LMF1: variants seen among roughly 807,000 people sequenced by gnomAD.
LMF1 encodes transmembrane protein 112.
A neutral mutation model predicts 60.6 loss-of-function variants in LMF1; 68 were observed. The observed-to-expected ratio is 1.12, with a 90% confidence interval of 0.92 to 1.37. The LOEUF (loss-of-function observed/expected upper bound fraction) is 1.37, where lower values mean the gene tolerates loss of function less well. Ranked by LOEUF, LMF1 falls within the 40% of genes most tolerant of loss-of-function variation. The pLI is 0.00. For synonymous variants in LMF1, 418 were observed against 324.7 expected (o/e 1.29, Z -3.09); for missense variants, 948 against 767.2 (o/e 1.24, Z -2.78).
chr16:917,481 G>A (rs1019169100), intron 3 of LMF1, among the ~76,000 whole-genome samples: 12 of 130,870 alleles, frequency 9.2e-5, no homozygotes, highest in Non-Finnish European at 1.2e-4. Context: ...TGTGCGCTGC[G>A]GGCGGGCGCA....
intron 5 of LMF1, among the ~76,000 whole-genome samples, chr16:883,322 G>C (rs958056767): frequency 1.3e-5 from 2 of 152,224 alleles, no homozygotes. Context: ...CCAGGAGAAA[G>C]AGAAGCCGCC....
intron 2 of LMF1, among the ~76,000 whole-genome samples, chr16:934,687 CTG>C (rs1049469932): frequency 6.6e-6 from 1 of 152,362 alleles, no homozygotes; most frequent in Admixed American, 6.5e-5. Context: ...TGGGCAAGGC[CTG>C]TGTCTTTACT....
At chr16:914,080 G>A (rs2071199268) in intron 3 of LMF1, among the ~76,000 whole-genome samples, 2 of 152,248 alleles carry the variant, frequency 1.3e-5, no homozygotes, top group African/African-American at 2.4e-5. Context: ...GGCGGCTGCA[G>A]CTACACGCAC....
chr16:913,601 A>G (rs2071184518), intron 3 of LMF1, among the ~76,000 whole-genome samples: 1 of 152,236 alleles, frequency 6.6e-6, no homozygotes, highest in African/African-American at 2.4e-5. Context: ...CCTCCCCCTC[A>G]GGATTCATGC....
At chr16:941,537 T>C (rs970748445) in intron 2 of LMF1, among the ~76,000 whole-genome samples, 2 of 152,258 alleles carry the variant, frequency 1.3e-5, no homozygotes, top group African/African-American at 4.8e-5. Flanking sequence ...TCTAAATCTC[T>C]GTCTTTTAAT....
chr16:932,448 C>T lies in LMF1; in HGVS notation c.514+1796G>A, dbSNP rs374907402. ...GCACTGGGCTCTTGCCTCACGGACT[C>T]GATTTTGCGATCACTGCTCAGAGTC... On this transcript the variant is annotated intron_variant, in intron 3 of 10. Transcript: ENST00000262301. 7.2e-5 allele frequency among the ~76,000 whole-genome samples: 11 copies of T among 152,326 alleles called. 1 individual carries two copies. Among genetic ancestry groups the T allele is most frequent in the South Asian group, 6.2e-4 (3 of 4,820 alleles).
chr16:962,616 C>T lies in LMF1; in HGVS notation c.194-7950G>A, dbSNP rs531680378. On this transcript the variant is annotated intron_variant, in intron 1 of 10. Transcript: ENST00000262301. The surrounding 1 kb of genome is among the most constrained non-coding windows in gnomAD (Gnocchi z 4.5). ...AGTCTAATTGCGAGGAAACACCAGA[C>T]GGACCCAACGTGAGGGACGCTCTAC... Among the ~76,000 whole-genome samples the T allele has an allele frequency of 3.9e-5, 6 of 152,306 alleles. No individual in the cohort carries two copies. In the East Asian group the frequency reaches 5.8e-4, roughly 15 times the overall value.
At chr16:946,267 G>A (rs979005409) in intron 2 of LMF1, among the ~76,000 whole-genome samples, 4 of 152,242 alleles carry the variant, frequency 2.6e-5, no homozygotes, top group African/African-American at 9.6e-5. Flanking sequence ...GAAGGGGAGG[G>A]GACAGCTGGC....
At chr16:922,067 G>C (rs1016207556) in intron 3 of LMF1, among the ~76,000 whole-genome samples, 17 of 152,126 alleles carry the variant, frequency 1.1e-4, no homozygotes, top group African/African-American at 3.6e-4. Context: ...GTTTATCCCA[G>C]ATGAGGTCCA....
chr16:947,174 T>C (rs112866363), intron 2 of LMF1, among the ~76,000 whole-genome samples: 9,914 of 152,326 alleles, frequency 0.065, 380 homozygotes, highest in Non-Finnish European at 0.089. Flanking sequence ...CCTGGCCTTG[T>C]GTGGCAACTG....
At chr16:884,232 T>G (rs937747421) in intron 5 of LMF1, 1 of 152,220 alleles carries the variant, frequency 6.6e-6, no homozygotes, top group Admixed American at 6.5e-5. Flanking sequence ...CCTTTCAGCC[T>G]GTGTGTCTTT....
At chr16:870,680 A>C (rs2069756500) in intron 8 of LMF1, 49 bp downstream of exon 8, 1 of 1,599,624 alleles carries the variant, frequency 6.3e-7, no homozygotes, top group Non-Finnish European at 8.5e-7. Flanking sequence ...GTCAGGGCTG[A>C]GTCTCCCCAT....
chr16:865,281 T>C (rs2069581939), intron 10 of LMF1, among the ~76,000 whole-genome samples: 1 of 152,240 alleles, frequency 6.6e-6, no homozygotes, highest in Non-Finnish European at 1.5e-5. Context: ...CAGACAGTTT[T>C]ATAGCCTTTG....
chr16:879,847 A>T, intron 5 of LMF1, 110 bp from the exon 6 acceptor site: 2 of 1,101,080 alleles, frequency 1.8e-6, no homozygotes, highest in Non-Finnish European at 2.6e-6. Context: ...TGCACACAGG[A>T]TCCCCCCGGC....
At position 874,070 on chromosome 16, in the gene LMF1, TG is replaced by T. The variant is rs906942070; in HGVS notation, c.898-2730del. 7.3e-5 allele frequency among the ~76,000 whole-genome samples: 11 copies of T among 151,608 alleles called. No homozygotes were observed. Among genetic ancestry groups the T allele is most frequent in the African/African-American group, 9.7e-5 (4 of 41,364 alleles). ...GTGTGAGGGTCTCCTTTGCCGGGTGTGGGGGGGGTATGGGAAGTTCTGGAAC... is the reference window on the plus strand; with the variant it reads ...GTGTGAGGGTCTCCTTTGCCGGGTGTGGGGGGGTATGGGAAGTTCTGGAAC... On this transcript the variant is annotated intron_variant, in intron 6 of 10. Transcript: ENST00000262301. This position sits in a 1 kb window ranked among gnomAD's most constrained non-coding sequence, Gnocchi z 4.1.
rs1431377972 is a variant in LMF1, at chr16:869,897, A to T, written c.1402T>A (p.Phe468Ile). The T allele has an allele frequency of 1.2e-6, 2 of 1,612,466 alleles. No individual in the cohort carries two copies. Among genetic ancestry groups the T allele is most frequent in the Non-Finnish European group, 1.7e-6 (2 of 1,179,740 alleles). The change falls in exon 9 of 11, where the codon TTC becomes ATC. Residue 468 changes from phenylalanine (F) to isoleucine (I), a missense_variant. Physicochemically the swap from Phe to Ile is conservative, Grantham distance 21. Coordinates refer to ENST00000262301, the MANE Select transcript of LMF1 (RefSeq NM_022773.4). Reference sequence around the variant, plus strand: ...CCGTCCCCCACCTGGAAGGCCGCGAACCACATCAGCCAGTCCAGGCGGTAG... The same window carrying T: ...CCGTCCCCCACCTGGAAGGCCGCGATCCACATCAGCCAGTCCAGGCGGTAG... ...YHYRLDWLMW[F>I]AAFQTYEHND...
chr16:861,743 T>C (rs1430364766), intron 10 of LMF1, among the ~76,000 whole-genome samples: 1 of 152,214 alleles, frequency 6.6e-6, no homozygotes, highest in Non-Finnish European at 1.5e-5. Context: ...GGCAGTTTCG[T>C]TTCTTCCTTT....
chr16:926,788 C>G (rs1240922575), intron 3 of LMF1, among the ~76,000 whole-genome samples: 1 of 152,136 alleles, frequency 6.6e-6, no homozygotes, highest in African/African-American at 2.4e-5. Context: ...CCCAAGGGAC[C>G]CTGCAGGTCA....
chr16:978,997 C>T (rs1208817417), intron 1 of LMF1: 9 of 454,034 alleles, frequency 2.0e-5, no homozygotes, highest in Middle Eastern at 6.9e-4. Flanking sequence ...CTGAAGTCCC[C>T]GCCTCTGAGA....
Sources: gnomAD v4.1 joint callset for allele counts (sites outside exome capture counted in the v4.1 genomes callset) on GRCh38, gnomAD v4.1.1 for gene constraint, Gnocchi (gnomAD v3.1) non-coding constraint, MANE v1.5 for transcripts, NCBI Gene and HGNC (gene_info 2026-07-23, HGNC 2026-07-21) for gene names.